Variants in EYA1 observed in about 807,000 individuals in gnomAD.
EYA1 encodes the protein protein phosphatase EYA1.
Under a neutral mutation model 82.0 loss-of-function variants are expected in EYA1, and 16 were observed. That is an observed-to-expected ratio of 0.20 (90% confidence interval 0.13 to 0.30). EYA1 has a LOEUF of 0.30. EYA1 is among the 10% of genes least tolerant of loss of function. The pLI, the probability that EYA1 is intolerant of heterozygous loss-of-function variation, is 1.00. For missense variants in EYA1, 633 were observed against 730.7 expected, an observed-to-expected ratio of 0.87 and a Z score of 1.54; for synonymous variants, 261 against 264.4, an observed-to-expected ratio of 0.99 and a Z score of 0.12.
At chr8:71,502,782 C>G (rs1038185586) in intron 2 of EYA1, among the ~76,000 whole-genome samples, 1 of 152,102 alleles carries the variant, frequency 6.6e-6, no homozygotes, top group Non-Finnish European at 1.5e-5. Flanking sequence ...GCCTTGAAAC[C>G]GCCAGTCAAC....
chr8:71,462,692 A>T (rs1808456074), intron 2 of EYA1, among the ~76,000 whole-genome samples: 1 of 152,198 alleles, frequency 6.6e-6, no homozygotes, highest in South Asian at 2.1e-4. Flanking sequence ...CCCTCCAGGC[A>T]GCAGTGGTGG....
intron 2 of EYA1, among the ~76,000 whole-genome samples, chr8:71,512,335 A>C (rs559145993): frequency 1.4e-4 from 21 of 151,832 alleles, no homozygotes; most frequent in African/African-American, 5.1e-4. Context: ...GGTGGAGAAA[A>C]GTTCAGAAAA....
At chr8:71,547,358 C>T (rs1343680205) in intron 1 of EYA1, among the ~76,000 whole-genome samples, 2 of 152,210 alleles carry the variant, frequency 1.3e-5, no homozygotes, top group Non-Finnish European at 1.5e-5. Context: ...TCAGTTACCA[C>T]CTCCCCGAAG....
intron 3 of EYA1, among the ~76,000 whole-genome samples, chr8:71,346,667 C>T (rs1271766807): frequency 1.3e-5 from 2 of 151,996 alleles, no homozygotes; most frequent in Non-Finnish European, 2.9e-5. Context: ...CAGTTATTTA[C>T]TATGGGTCAA....
At position 71,321,852 on chromosome 8, in the gene EYA1, G is replaced by T; in HGVS notation, c.300C>A (p.Thr100=). 4 of 1,614,220 alleles carry T rather than the reference G, an allele frequency of 2.5e-6. No homozygotes were observed. The highest frequency in any genetic ancestry group is 3.4e-6 in the Non-Finnish European group (4 of 1,180,050). ...SNRPYPHILP[T]PSSQTMAAYG... is the part of the protein sequence containing the mutation. The stretch of plus-strand genomic sequence containing the variant: ...ATGCAGCCATAGTTTGTGAGGAAGG[G>T]GTAGGGAGAATATGTGGGTATGGTC... The change falls in exon 6 of 18, where the codon ACC becomes ACA. Residue 100 remains threonine (T), a synonymous_variant. Transcript: ENST00000340726.
At chr8:71,362,155 CTTTTTTTTTTTTT>C (rs35320129), upstream of EYA1, 3 of 821,526 alleles carry the variant, frequency 3.7e-6, no homozygotes, top group East Asian at 1.9e-4. Context: ...TCGGGGCTTT[CTTTTTTTTTTTTT>C]TTTTTTTTTT....
In EYA1 at chr8:71,516,776, C is replaced by A. The variant is rs183501876; in HGVS notation, c.33+18968G>T. ...GACAACTTCTCCTCTAAAAATCTCC[C>A]CTTAGTCCTTAGTCTCTCCCTAGCT... is the stretch of plus-strand genomic sequence containing the variant. On this transcript the variant is annotated intron_variant, in intron 2 of 18. Transcript: ENST00000643681. Among the ~76,000 whole-genome samples, 75 of 152,170 alleles carry A rather than the reference C, an allele frequency of 4.9e-4. 2 individuals are homozygous for A. Among genetic ancestry groups the A allele is most frequent in the Admixed American group, 3.8e-3 (58 of 15,266 alleles).
intron 2 of EYA1, among the ~76,000 whole-genome samples, chr8:71,428,633 TC>T (rs1384590050): frequency 2.6e-5 from 4 of 152,218 alleles, no homozygotes; most frequent in African/African-American, 7.2e-5. Flanking sequence ...GTTACCTCAA[TC>T]TGAATAAGAA....
At chr8:71,247,230 A>G (rs1451493810) in intron 11 of EYA1, among the ~76,000 whole-genome samples, 3 of 151,582 alleles carry the variant, frequency 2.0e-5, no homozygotes, top group African/African-American at 7.3e-5. Context: ...CCACCTCTCC[A>G]GTGTGGCCCA....
chr8:71,418,253 C>A (rs542120970), intron 2 of EYA1, among the ~76,000 whole-genome samples: 46 of 152,266 alleles, frequency 3.0e-4, no homozygotes, highest in African/African-American at 1.1e-3. Context: ...TAATTTGGTT[C>A]GCACGGTGTT....
At chr8:71,452,288 G>A (rs1197417529) in intron 2 of EYA1, among the ~76,000 whole-genome samples, 1 of 152,198 alleles carries the variant, frequency 6.6e-6, no homozygotes, top group East Asian at 1.9e-4. Flanking sequence ...GAACTGGGTG[G>A]AGTCCACCAC....
At chr8:71,366,064 C>T (rs548560872), upstream of EYA1, among the ~76,000 whole-genome samples, 6 of 152,054 alleles carry the variant, frequency 3.9e-5, no homozygotes, top group South Asian at 1.2e-3. Context: ...CTAAAGAGCA[C>T]GTTGATTATT....
rs774402195 is a variant in EYA1, at chr8:71,334,168, G to A, written c.131C>T (p.Thr44Ile). The change falls in exon 4 of 18, where the codon ACA (threonine) becomes ATA (isoleucine). Residue 44 changes from threonine to isoleucine, a missense_variant. By Grantham distance (89) the Thr-to-Ile change is moderately conservative. Coordinates refer to ENST00000340726, the MANE Select transcript of EYA1 (RefSeq NM_000503.6). The stretch of plus-strand genomic sequence containing the variant: ...TGTTTCACTGCTGCTCATTGGCTCT[G>A]TTTTAACTACAAAAATAAACAACAT... ...SMTPNGTEVK[T>I]EPMSSSETAS... 6.8e-6 allele frequency: 11 copies of A among 1,611,572 alleles called. No homozygotes were observed. Among genetic ancestry groups the A allele is most frequent in the African/African-American group, 5.3e-5 (4 of 74,802 alleles).
intron 2 of EYA1, among the ~76,000 whole-genome samples, chr8:71,405,140 A>C (rs78498256): frequency 0.077 from 11,766 of 152,052 alleles, 1,251 homozygotes; most frequent in African/African-American, 0.25. Flanking sequence ...AGAAAGGTAA[A>C]TGGCCGTAAA....
chr8:71,429,907 C>G (rs1233613311), intron 2 of EYA1, among the ~76,000 whole-genome samples: 1 of 152,126 alleles, frequency 6.6e-6, no homozygotes, highest in Admixed American at 6.5e-5. Flanking sequence ...TGTAGCTTAA[C>G]TTTGGCATTA....
intron 9 of EYA1, among the ~76,000 whole-genome samples, chr8:71,272,306 A>G (rs56827176): frequency 0.067 from 10,226 of 152,138 alleles, 467 homozygotes; most frequent in African/African-American, 0.13. Flanking sequence ...GTTCTGGTGC[A>G]TGCAAAGAGG....
At chr8:71,285,968 T>C (rs1390918187) in intron 9 of EYA1, among the ~76,000 whole-genome samples, 1 of 152,184 alleles carries the variant, frequency 6.6e-6, no homozygotes, top group Non-Finnish European at 1.5e-5. Flanking sequence ...GTCAACTTTT[T>C]AAAAAATGAA....
rs577094515 is a variant in EYA1 at position 71,296,809 on chromosome 8, G to A, written c.826+2238C>T. Among the ~76,000 whole-genome samples, 96 of 152,070 alleles carry A rather than the reference G, an allele frequency of 6.3e-4. 1 individual carries two copies. Among genetic ancestry groups the A allele is most frequent in the South Asian group, 3.7e-3 (18 of 4,826 alleles). On this transcript the variant is annotated intron_variant, in intron 9 of 17. Transcript: ENST00000340726. The stretch of plus-strand genomic sequence containing the variant: ...CAAAACTTCCTTTTCATCAAGAATA[G>A]TAAGTCTATTATTTTATATACGACT...
At chr8:71,245,913 A>C (rs7821137) in intron 11 of EYA1, among the ~76,000 whole-genome samples, 53,762 of 151,942 alleles carry the variant, frequency 0.35, 10,055 homozygotes, top group African/African-American at 0.46. Flanking sequence ...CTATCTAAAA[A>C]TTCAAGTGTT....
Sources: allele counts gnomAD v4.1 joint callset (sites outside exome capture counted in the v4.1 genomes callset), GRCh38; gene constraint gnomAD v4.1.1; transcripts MANE v1.5; gene names NCBI Gene and HGNC (gene_info 2026-07-23, HGNC 2026-07-21).